ARR3: variants seen among roughly 807,000 people sequenced by gnomAD.
ARR3 encodes arrestin-C.
In ARR3, 14 loss-of-function variants were observed where a neutral mutation model predicts 35.4. The ratio of observed to expected loss-of-function variants is 0.40; its 90% confidence interval spans 0.26 to 0.62. The LOEUF is 0.62. ARR3 is among the 20% of genes least tolerant of loss of function. ARR3 has a pLI of 0.46. For synonymous variants in ARR3, 97 were observed against 119.1 expected (o/e 0.81, Z 1.21); for missense variants, 259 against 303.8 (o/e 0.85, Z 1.10).
intron 12 of ARR3, 127 bp from the exon 13 acceptor site, chrX:70,280,068 G>A (rs2085672439): frequency 1.7e-6 from 1 of 596,988 alleles, no homozygotes; most frequent in Non-Finnish European, 2.7e-6. Context: ...TTAGAGCCTG[G>A]GAGATATTCT....
chrX:70,277,206 T>C (rs2085657028), intron 8 of ARR3, among the ~76,000 whole-genome samples, 188 bp from the exon 9 acceptor site: 2 of 113,128 alleles, frequency 1.8e-5, no homozygotes, highest in Non-Finnish European at 3.7e-5. Flanking sequence ...CAGGCCAGAT[T>C]TGGCCAGTGG....
chrX:70,278,217 T>A, intron 11 of ARR3, 79 bp downstream of exon 11: 3 of 869,039 alleles, frequency 3.5e-6, no homozygotes, highest in Non-Finnish European at 4.9e-6. Flanking sequence ...GTTGAGGGGG[T>A]AGAGTGGGGG....
chrX:70,268,393 ACTT>A (rs2085616599), intron 1 of ARR3, 21 bp downstream of exon 1: 1 of 111,312 alleles, frequency 9.0e-6, no homozygotes, highest in Non-Finnish European at 1.9e-5. Flanking sequence ...AAAGCCCTCT[ACTT>A]CTAGCCCATA....
intron 5 of ARR3, among the ~76,000 whole-genome samples, chrX:70,270,729 G>A (rs2085626800): frequency 9.2e-6 from 1 of 108,683 alleles, no homozygotes; most frequent in South Asian, 4.0e-4. Flanking sequence ...GTAACCTCTG[G>A]TATACGTCTT....
intron 8 of ARR3, among the ~76,000 whole-genome samples, chrX:70,276,969 C>T (rs770616387): frequency 1.8e-5 from 2 of 112,439 alleles, no homozygotes; most frequent in South Asian, 7.4e-4. Context: ...CTATAGTCTC[C>T]GTTGCAACTA....
chrX:70,269,981 G>A (rs1456015247), intron 4 of ARR3, 78 bp downstream of exon 4: 16 of 1,166,115 alleles, frequency 1.4e-5, no homozygotes, highest in African/African-American at 3.6e-5. Context: ...AGGAAAGACC[G>A]TGCAGAAAAG....
chrX:70,279,039 G>C (rs774214486), intron 12 of ARR3, among the ~76,000 whole-genome samples: 3 of 112,755 alleles, frequency 2.7e-5, no homozygotes, highest in Non-Finnish European at 5.6e-5. Flanking sequence ...CTCACTTAAA[G>C]TGGCATAGCT....
chrX:70,269,270 A>G (rs2085619843), intron 1 of ARR3, 86 bp from the exon 2 acceptor site: 2 of 985,317 alleles, frequency 2.0e-6, no homozygotes, highest in Non-Finnish European at 2.7e-6. Flanking sequence ...GTTACATCAC[A>G]CTAGGTGTAT....
At chrX:70,280,380 C>T in intron 13 of ARR3, 102 bp downstream of exon 13, 1 of 987,142 alleles carries the variant, frequency 1.0e-6, no homozygotes, top group Non-Finnish European at 1.4e-6. Flanking sequence ...AACCATTCCC[C>T]ACCCTTTCTC....
At chrX:70,281,289 G>A (rs1305354441) in intron 16 of ARR3, 181 bp downstream of exon 16, 10 of 504,330 alleles carry the variant, frequency 2.0e-5, no homozygotes, top group Non-Finnish European at 3.3e-5. Context: ...TTCCCTTTCT[G>A]CATCCCCCCG....
intron 5 of ARR3, among the ~76,000 whole-genome samples, chrX:70,272,891 T>C (rs983650402): frequency 8.9e-6 from 1 of 112,509 alleles, no homozygotes; most frequent in Non-Finnish European, 1.9e-5. Context: ...TGCTTTCTAC[T>C]CAAGTGCTGC....
Position 70,281,104 on chromosome X carries a change from G to A in ARR3, c.1072G>A (p.Ala358Thr), listed in dbSNP as rs1169716270. The A allele has an allele frequency of 5.0e-6, 6 of 1,209,250 alleles. No individual in the cohort carries two copies. The highest frequency in any genetic ancestry group is 2.2e-5 in the Admixed American group (1 of 45,808). ...CGTCTCCATGCTTGCTACAGAGGCCGCTAGGTAATGGAATACAAGATTGGG... is the reference window on the plus strand; with the variant it reads ...CGTCTCCATGCTTGCTACAGAGGCCACTAGGTAATGGAATACAAGATTGGG... ...LIHPKPSHEA[A>T]SSEDIVIEEF... Residue 358 changes from alanine to threonine, a missense_variant, in exon 16 of 17, where the codon GCT becomes ACT. Ala to Thr is a moderately conservative substitution (Grantham distance 58). Transcript: ENST00000307959.
Position 70,280,805 on chromosome X carries a change from G to A in ARR3, c.1053G>A (p.Pro351=), listed in dbSNP as rs1297680060. ...GVELPLVLIH[P]KPSHEAASSE... ...AGCTACCCTTGGTCCTGATCCATCC[G>A]AAGCCATCTCATGGTGAGTGACCAG... Residue 351 remains proline (P), a synonymous_variant, in exon 15 of 17, where the codon CCG becomes CCA. Transcript: ENST00000307959. 3.3e-6 allele frequency: 4 copies of A among 1,211,401 alleles called. No homozygotes were observed. The highest frequency in any genetic ancestry group is 2.2e-5 in the Admixed American group (1 of 46,007).
intron 16 of ARR3, 94 bp from the exon 17 acceptor site, chrX:70,281,582 G>A: frequency 5.3e-6 from 4 of 747,940 alleles, no homozygotes; most frequent in Non-Finnish European, 8.1e-6. Context: ...GCAGGGAGGG[G>A]ATCACTTTTC....
In ARR3 at chrX:70,270,094, C is replaced by T; in HGVS notation, c.101-6C>T. On this transcript the variant is annotated splice_polypyrimidine_tract_variant and splice_region_variant and intron_variant, in intron 4 of 16. Transcript: ENST00000307959. Reference sequence around the variant, plus strand: ...ACCAAAGTGCTGTCTGTCCTTCTCTCCACAGACGGTGTTGTCCTGGTTGAT... The same window carrying T: ...ACCAAAGTGCTGTCTGTCCTTCTCTTCACAGACGGTGTTGTCCTGGTTGAT... 1 of 1,211,347 alleles carries T rather than the reference C, an allele frequency of 8.3e-7. No individual in the cohort carries two copies. The highest frequency in any genetic ancestry group is 1.1e-6 in the Non-Finnish European group (1 of 894,757).
At chrX:70,281,009 G>GGGC (rs2085680766) in intron 15 of ARR3, 90 bp from the exon 16 acceptor site, 1 of 952,733 alleles carries the variant, frequency 1.0e-6, no homozygotes. Context: ...AGTTGGGGGG[G>GGGC]GGGGAAGTAA....
intron 8 of ARR3, 52 bp downstream of exon 8, chrX:70,276,788 C>G (rs910114013): frequency 1.8e-6 from 2 of 1,083,080 alleles, no homozygotes; most frequent in African/African-American, 3.7e-5. Flanking sequence ...TGCCAGGAAA[C>G]AGATCCTGCT....
At chrX:70,277,589 T>C in intron 9 of ARR3, 60 bp downstream of exon 9, 6 of 1,191,056 alleles carry the variant, frequency 5.0e-6, no homozygotes, top group Non-Finnish European at 6.8e-6. Flanking sequence ...CTTTCTTCAC[T>C]GATTTCCTAC....
At chrX:70,281,577 G>A in intron 16 of ARR3, 99 bp from the exon 17 acceptor site, 3 of 693,158 alleles carry the variant, frequency 4.3e-6, no homozygotes, top group Non-Finnish European at 2.2e-6. Context: ...GGGAAGCAGG[G>A]AGGGGATCAC....
Sources: gnomAD v4.1 joint callset for allele counts (sites outside exome capture counted in the v4.1 genomes callset) on GRCh38, gnomAD v4.1.1 for gene constraint, MANE v1.5 for transcripts, NCBI Gene and HGNC (gene_info 2026-07-23, HGNC 2026-07-21) for gene names.